FSTL5: variants seen among roughly 807,000 people sequenced by gnomAD.
The protein encoded by FSTL5 is follistatin-related protein 5.
In FSTL5, 62 loss-of-function variants were observed where a neutral mutation model predicts 89.1. The ratio of observed to expected loss-of-function variants is 0.70; its 90% CI spans 0.57 to 0.86. The LOEUF is 0.86. Among genes scored for constraint, FSTL5 ranks in the 40% least tolerant of loss-of-function variants. The pLI is 0.00. For missense variants in FSTL5, 1,057 were observed against 1,001.6 expected, an observed-to-expected ratio of 1.06 and a Z score of -0.75; for synonymous variants, 383 against 346.2, an observed-to-expected ratio of 1.11 and a Z score of -1.18.
intron 15 of FSTL5, among the ~76,000 whole-genome samples, chr4:161,389,657 T>C (rs542914942): frequency 1.1e-4 from 17 of 152,144 alleles, no homozygotes; most frequent in Non-Finnish European, 2.4e-4. Flanking sequence ...TGTAAAGTCC[T>C]TGACTTCCAC....
chr4:161,603,867 GCAA>G (rs1255258444), intron 7 of FSTL5, among the ~76,000 whole-genome samples: 1 of 152,064 alleles, frequency 6.6e-6, no homozygotes, highest in Non-Finnish European at 1.5e-5. Context: ...AGGATGTGGG[GCAA>G]CAACGTCAGT....
At chr4:161,544,855 G>C (rs1052105131) in intron 8 of FSTL5, among the ~76,000 whole-genome samples, 2 of 151,900 alleles carry the variant, frequency 1.3e-5, no homozygotes, top group African/African-American at 4.8e-5. Flanking sequence ...TTCCTGATTT[G>C]ATAATTGCAC....
At chr4:161,654,738 A>G (rs1405529285) in intron 7 of FSTL5, among the ~76,000 whole-genome samples, 1 of 152,126 alleles carries the variant, frequency 6.6e-6, no homozygotes, top group Non-Finnish European at 1.5e-5. Flanking sequence ...AGGAAAGGTG[A>G]TGGCTTTCTT....
intron 8 of FSTL5, among the ~76,000 whole-genome samples, chr4:161,544,139 T>G (rs1731928350): frequency 6.6e-6 from 1 of 151,498 alleles, no homozygotes; most frequent in Admixed American, 6.6e-5. Flanking sequence ...ATTAAAAAAT[T>G]AAAAAAAATC....
chr4:162,068,282 T>C (rs1454651003), intron 2 of FSTL5, among the ~76,000 whole-genome samples: 2 of 152,024 alleles, frequency 1.3e-5, no homozygotes, highest in Non-Finnish European at 2.9e-5. Context: ...GGGGACACTA[T>C]GGCACCTGAC....
intron 3 of FSTL5, among the ~76,000 whole-genome samples, chr4:161,969,421 C>G (rs2111008805): frequency 1.3e-5 from 2 of 151,998 alleles, no homozygotes; most frequent in South Asian, 4.2e-4. Flanking sequence ...ATCTATAGAA[C>G]CATGTAAAAG....
intron 3 of FSTL5, among the ~76,000 whole-genome samples, chr4:161,983,880 TTTC>T (rs1421426326): frequency 6.6e-6 from 1 of 152,122 alleles, no homozygotes; most frequent in East Asian, 1.9e-4. Context: ...CAATGTTGAA[TTTC>T]TATGTTGAAT....
chr4:161,705,950 GTGTATATATATA>G lies in FSTL5; in HGVS notation c.728-49468_728-49457del, dbSNP rs1409859589. 2.5e-3 allele frequency among the ~76,000 whole-genome samples: 46 copies of G among 18,626 alleles called. 3 individuals carry two copies. The highest frequency in any genetic ancestry group is 5.2e-3 in the Non-Finnish European group (40 of 7,704). 12.2% of individuals were successfully genotyped at this position (18,626 alleles called of 152,430 possible). ...CATATGCATGTGTGTGTGTAGATGTGTGTATATATATATATATATATATATATATATATATAT... is the reference window on the plus strand; with the variant it reads ...CATATGCATGTGTGTGTGTAGATGTGTATATATATATATATATATATATAT... On this transcript the variant is annotated intron_variant, in intron 6 of 15. Coordinates refer to ENST00000306100, the MANE Select transcript of FSTL5 (RefSeq NM_020116.5).
At chr4:161,410,986 T>TAG (rs758247505) in intron 15 of FSTL5, among the ~76,000 whole-genome samples, 21,225 of 148,184 alleles carry the variant, frequency 0.14, 1,721 homozygotes, top group East Asian at 0.24. Context: ...GACCTTTAGC[T>TAG]ATCAATCAGA....
intron 13 of FSTL5, among the ~76,000 whole-genome samples, chr4:161,462,067 AG>A (rs1733602396): frequency 6.6e-6 from 1 of 152,224 alleles, no homozygotes; most frequent in Non-Finnish European, 1.5e-5. Flanking sequence ...TCTTTTCACC[AG>A]GCCTTTCATA....
chr4:162,058,860 A>G (rs1301326134), intron 2 of FSTL5, among the ~76,000 whole-genome samples: 2 of 152,170 alleles, frequency 1.3e-5, no homozygotes, highest in African/African-American at 4.8e-5. Context: ...AATTATTCAC[A>G]CAATTAGGAA....
chr4:161,620,792 A>G (rs963665303), intron 7 of FSTL5, among the ~76,000 whole-genome samples: 3 of 152,248 alleles, frequency 2.0e-5, no homozygotes, highest in African/African-American at 7.2e-5. Context: ...AGGTAAATAT[A>G]AATGATCAAT....
intron 6 of FSTL5, among the ~76,000 whole-genome samples, chr4:161,658,178 AG>A (rs1400057652): frequency 6.6e-6 from 1 of 152,176 alleles, no homozygotes; most frequent in Non-Finnish European, 1.5e-5. Flanking sequence ...ATAAGAACAT[AG>A]GGAAGGCCAG....
At chr4:161,800,555 T>C (rs1729759676) in intron 4 of FSTL5, among the ~76,000 whole-genome samples, 1 of 151,690 alleles carries the variant, frequency 6.6e-6, no homozygotes, top group Non-Finnish European at 1.5e-5. Context: ...CCTTTTGTTC[T>C]CAATTGAGAC....
At chr4:161,397,290 C>T (rs929511114) in intron 15 of FSTL5, among the ~76,000 whole-genome samples, 10 of 152,040 alleles carry the variant, frequency 6.6e-5, no homozygotes, top group Admixed American at 3.3e-4. Flanking sequence ...ATACATACTA[C>T]ACTCCATTGT....
chr4:162,112,092 T>C (rs904256178), intron 1 of FSTL5, among the ~76,000 whole-genome samples: 3 of 152,358 alleles, frequency 2.0e-5, no homozygotes, highest in East Asian at 3.9e-4. Flanking sequence ...ATTGTATAAA[T>C]ACTAAGTCCT....
intron 3 of FSTL5, among the ~76,000 whole-genome samples, chr4:161,966,391 C>A: frequency 6.6e-6 from 1 of 151,994 alleles, no homozygotes; most frequent in East Asian, 1.9e-4. Flanking sequence ...TTTTCATGGA[C>A]ACTTAAGGAA....
chr4:161,392,903 C>T (rs1396595980), intron 15 of FSTL5, among the ~76,000 whole-genome samples: 1 of 152,118 alleles, frequency 6.6e-6, no homozygotes, highest in Non-Finnish European at 1.5e-5. Flanking sequence ...GTGGCTCACA[C>T]CTGTAATCCC....
intron 4 of FSTL5, among the ~76,000 whole-genome samples, chr4:161,784,612 G>C (rs942426072): frequency 1.2e-4 from 18 of 151,362 alleles, no homozygotes; most frequent in Non-Finnish European, 2.5e-4. Context: ...TGCTATCCAC[G>C]GGCTGGGTGC....
Sources: allele counts gnomAD v4.1 joint callset (sites outside exome capture counted in the v4.1 genomes callset), GRCh38; gene constraint gnomAD v4.1.1; transcripts MANE v1.5; gene names NCBI Gene and HGNC (gene_info 2026-07-23, HGNC 2026-07-21).